GLIS3: variants seen among roughly 807,000 people sequenced by gnomAD.
The protein encoded by GLIS3 is GLIS family zinc finger 3, also known as zinc finger protein GLIS3.
Under a neutral mutation model 78.6 loss-of-function variants are expected in GLIS3, and 53 were observed. The ratio of observed to expected loss-of-function variants is 0.67; its 90% CI spans 0.54 to 0.85. The LOEUF (loss-of-function observed/expected upper bound fraction) is 0.85. Among genes scored for constraint, GLIS3 ranks in the 40% least tolerant of loss-of-function variants. The pLI is 0.00. For synonymous variants in GLIS3, 684 were observed against 509.9 expected (o/e 1.34, Z -4.60); for missense variants, 1,703 against 1,231.1 (o/e 1.38, Z -5.74).
intron 2 of GLIS3, among the ~76,000 whole-genome samples, chr9:4,231,792 A>C (rs549640000): frequency 1.3e-5 from 2 of 152,342 alleles, no homozygotes; most frequent in African/African-American, 4.8e-5. Flanking sequence ...ATTTTTACCA[A>C]TGTAAACAAT....
chr9:3,882,924 G>C (rs796079641), intron 7 of GLIS3, among the ~76,000 whole-genome samples: 6 of 152,326 alleles, frequency 3.9e-5, no homozygotes, highest in African/African-American at 1.4e-4. Context: ...GTAGAAGCCT[G>C]TAAGTCAGTG....
At chr9:4,120,370 A>G (rs1187800167) in intron 3 of GLIS3, among the ~76,000 whole-genome samples, 1 of 152,272 alleles carries the variant, frequency 6.6e-6, no homozygotes. Flanking sequence ...GCAGGAATTT[A>G]CATCCAGTTG....
Position 4,012,921 on chromosome 9 carries a change from C to T in GLIS3, c.1711-75732G>A, listed in dbSNP as rs189384227. On this transcript the variant is annotated intron_variant, in intron 4 of 10. Coordinates refer to ENST00000381971, the MANE Select transcript of GLIS3 (RefSeq NM_001042413.2). Reference sequence around the variant, plus strand: ...CAGAGTAGCTGGGATTACAGGTGCCCGCCACCACGCCCAGCTAATTTTTGT... The same window carrying T: ...CAGAGTAGCTGGGATTACAGGTGCCTGCCACCACGCCCAGCTAATTTTTGT... Among the ~76,000 whole-genome samples the T allele has an allele frequency of 1.9e-3, 288 of 151,550 alleles. 2 individuals are homozygous for T. Among genetic ancestry groups the T allele is most frequent in the African/African-American group, 6.5e-3 (270 of 41,302 alleles).
At chr9:4,463,539 G>A in the GLIS3 span, among the ~76,000 whole-genome samples, 4 of 152,212 alleles carry the variant, frequency 2.6e-5, no homozygotes, top group Non-Finnish European at 4.4e-5. Context: ...TAACCAAGCC[G>A]ATTAGATTAA....
intron 4 of GLIS3, among the ~76,000 whole-genome samples, chr9:4,079,851 C>T (rs1321046883): frequency 6.6e-6 from 1 of 151,270 alleles, no homozygotes; most frequent in Non-Finnish European, 1.5e-5. Flanking sequence ...ATCAGAGCTA[C>T]TGATAAGTAA....
intron 4 of GLIS3, among the ~76,000 whole-genome samples, chr9:4,089,386 ATG>A (rs758693393): frequency 6.6e-6 from 1 of 152,198 alleles, no homozygotes; most frequent in Non-Finnish European, 1.5e-5. Context: ...GAAAATGTAT[ATG>A]TGTGTGTATG....
intron 4 of GLIS3, among the ~76,000 whole-genome samples, chr9:3,938,495 T>C (rs1014692466): frequency 7.9e-5 from 12 of 152,172 alleles, no homozygotes; most frequent in African/African-American, 1.7e-4. Flanking sequence ...GTTTTGGTTA[T>C]TGGAATTTTC....
At chr9:4,453,184 T>C in the GLIS3 span, among the ~76,000 whole-genome samples, 1 of 152,004 alleles carries the variant, frequency 6.6e-6, no homozygotes, top group Non-Finnish European at 1.5e-5. Context: ...AAGACTTAAA[T>C]GTTAGACCTA....
At chr9:3,947,759 G>A (rs993046329) in intron 4 of GLIS3, among the ~76,000 whole-genome samples, 15 of 152,192 alleles carry the variant, frequency 9.9e-5, no homozygotes, top group Non-Finnish European at 1.9e-4. Context: ...AAGTGGGCAG[G>A]AAAGATGGGA....
chr9:3,966,277 G>A (rs1244244353), intron 4 of GLIS3, among the ~76,000 whole-genome samples: 2 of 152,116 alleles, frequency 1.3e-5, no homozygotes, highest in Admixed American at 6.5e-5. Flanking sequence ...TGGCTTCCTT[G>A]GATGCCATTA....
chr9:4,382,051 T>C, the GLIS3 span, among the ~76,000 whole-genome samples: 742 of 152,332 alleles, frequency 4.9e-3, 6 homozygotes, highest in African/African-American at 0.017. Flanking sequence ...GTAGCCGCTC[T>C]CTACAGATAC....
chr9:4,202,145 C>T (rs1033961398), intron 2 of GLIS3, among the ~76,000 whole-genome samples: 5 of 108,756 alleles, frequency 4.6e-5, no homozygotes, highest in African/African-American at 1.7e-4. Flanking sequence ...TTTTTCTCCC[C>T]CTTTTTCTTT....
intron 2 of GLIS3, among the ~76,000 whole-genome samples, chr9:4,322,224 C>G (rs1287603963): frequency 1.3e-5 from 2 of 152,166 alleles, no homozygotes; most frequent in African/African-American, 2.4e-5. Context: ...TTTTTTATAG[C>G]TGCATAGTAT....
the GLIS3 span, among the ~76,000 whole-genome samples, chr9:4,379,058 T>C: frequency 6.6e-6 from 1 of 152,206 alleles, no homozygotes; most frequent in Non-Finnish European, 1.5e-5. Flanking sequence ...CTTGTGGTTT[T>C]CTTGCCTAAC....
At chr9:3,924,682 A>G (rs1825107917) in intron 6 of GLIS3, among the ~76,000 whole-genome samples, 2 of 152,212 alleles carry the variant, frequency 1.3e-5, no homozygotes, top group African/African-American at 4.8e-5. Context: ...GACAAGAGAG[A>G]ACTACCAGAG....
intron 4 of GLIS3, among the ~76,000 whole-genome samples, chr9:4,083,294 T>A (rs1034607979): frequency 1.3e-4 from 20 of 152,142 alleles, no homozygotes; most frequent in African/African-American, 4.8e-4. Context: ...CTACTCCTCA[T>A]CATTGCACCA....
chr9:4,159,603 C>T (rs1459968242), intron 2 of GLIS3, among the ~76,000 whole-genome samples: 3 of 151,986 alleles, frequency 2.0e-5, no homozygotes, highest in Non-Finnish European at 2.9e-5. Context: ...CCTGTAATTC[C>T]AGCTACTGGG....
At chr9:4,376,305 T>C in the GLIS3 span, among the ~76,000 whole-genome samples, 1 of 152,138 alleles carries the variant, frequency 6.6e-6, no homozygotes, top group Admixed American at 6.6e-5. Context: ...GTCAAGAATT[T>C]AAAGCATTAG....
chr9:4,335,136 C>G (rs1477183289), intron 2 of GLIS3, among the ~76,000 whole-genome samples: 1 of 152,048 alleles, frequency 6.6e-6, no homozygotes, highest in Non-Finnish European at 1.5e-5. Flanking sequence ...TCTTGATCTC[C>G]TGACCTCGTG....
Sources: allele counts gnomAD v4.1 joint callset (sites outside exome capture counted in the v4.1 genomes callset), GRCh38; gene constraint gnomAD v4.1.1; transcripts MANE v1.5; gene names NCBI Gene and HGNC (gene_info 2026-07-23, HGNC 2026-07-21).